Variants in DPP6 observed in about 807,000 individuals in gnomAD.
DPP6 encodes dipeptidyl peptidase like 6, also known as A-type potassium channel modulatory protein DPP6.
A neutral mutation model predicts 122.6 loss-of-function variants in DPP6; 69 were observed. The ratio of observed to expected loss-of-function variants is 0.56; its 90% CI spans 0.46 to 0.69. DPP6 has a LOEUF of 0.69. Among genes scored for constraint, DPP6 ranks in the 30% least tolerant of loss-of-function variants. The pLI is 0.00. For synonymous variants in DPP6, 418 were observed against 433.1 expected (o/e 0.97, Z 0.43); for missense variants, 928 against 1,116.9 (o/e 0.83, Z 2.41).
rs1802452250 is a variant in DPP6 at position 154,852,248 on chromosome 7, A to G, written c.1667-1532A>G. Reference sequence around the variant, plus strand: ...GATGACCGCAGGAATACTGAACTCCACCCATCCCCCTGCCCAAGATAGTGT... The same window carrying G: ...GATGACCGCAGGAATACTGAACTCCGCCCATCCCCCTGCCCAAGATAGTGT... On this transcript the variant is annotated intron_variant, in intron 16 of 25. Transcript: ENST00000377770. 3.3e-5 allele frequency among the ~76,000 whole-genome samples: 5 copies of G among 152,110 alleles called. 1 individual carries two copies. Among genetic ancestry groups the G allele is most frequent in the Admixed American group, 3.3e-4 (5 of 15,282 alleles).
At chr7:153,769,711 A>G in the DPP6 span, among the ~76,000 whole-genome samples, 1 of 152,194 alleles carries the variant, frequency 6.6e-6, no homozygotes, top group East Asian at 1.9e-4. Flanking sequence ...CAGGAGAAAA[A>G]AAGCCAGAAG....
chr7:154,337,094 G>A (rs998746960), intron 1 of DPP6, among the ~76,000 whole-genome samples: 1 of 152,186 alleles, frequency 6.6e-6, no homozygotes, highest in Non-Finnish European at 1.5e-5. Context: ...GGTATAGAAA[G>A]TTACATCACT....
At chr7:154,527,027 G>A (rs1389944886) in intron 3 of DPP6, among the ~76,000 whole-genome samples, 1 of 152,214 alleles carries the variant, frequency 6.6e-6, no homozygotes, top group Non-Finnish European at 1.5e-5. Context: ...AAAGACAGGT[G>A]CAACAGACCT....
intron 1 of DPP6, among the ~76,000 whole-genome samples, chr7:154,259,437 C>T (rs956350196): frequency 2.0e-5 from 3 of 152,156 alleles, no homozygotes; most frequent in Non-Finnish European, 4.4e-5. Flanking sequence ...GGAGGGGCCG[C>T]TGGGGCAGTC....
intron 1 of DPP6, among the ~76,000 whole-genome samples, chr7:153,933,694 CTCT>C (rs1295096061): frequency 6.6e-6 from 1 of 152,038 alleles, no homozygotes; most frequent in Non-Finnish European, 1.5e-5. Flanking sequence ...CTCTCTCTCT[CTCT>C]CTCTCTCTCA....
intron 1 of DPP6, among the ~76,000 whole-genome samples, chr7:154,243,752 C>T (rs1425170394): frequency 2.6e-5 from 4 of 151,854 alleles, no homozygotes; most frequent in Admixed American, 1.3e-4. Context: ...GCCGAGATCA[C>T]GCCACTGCAC....
intron 5 of DPP6, among the ~76,000 whole-genome samples, chr7:154,621,253 G>C (rs1834630003): frequency 6.6e-6 from 1 of 152,180 alleles, no homozygotes; most frequent in South Asian, 2.1e-4. Context: ...ATATGTTTAT[G>C]TCATGTATTA....
rs1325240883 is a variant in DPP6, at chr7:154,618,194, G to C, written c.628-19627G>C. Among the ~76,000 whole-genome samples the C allele has an allele frequency of 1.3e-5, 2 of 152,156 alleles. No homozygotes were observed. Among genetic ancestry groups the C allele is most frequent in the Non-Finnish European group, 1.5e-5 (1 of 68,022 alleles). On this transcript the variant is annotated intron_variant, in intron 5 of 25. Transcript: ENST00000377770. This position sits in a 1 kb window ranked among gnomAD's most constrained non-coding sequence, Gnocchi z 4.1. The stretch of plus-strand genomic sequence containing the variant: ...GAATTGTACCCTGTGAAAAAGCATA[G>C]CTGCTTTTCTCACAGAGTAAAGAGG...
chr7:154,812,325 T>G (rs183049139), intron 16 of DPP6, among the ~76,000 whole-genome samples: 1 of 152,218 alleles, frequency 6.6e-6, no homozygotes, highest in Non-Finnish European at 1.5e-5. Context: ...ATCCTGTAAC[T>G]TATATTCAGT....
the DPP6 span, among the ~76,000 whole-genome samples, chr7:153,778,185 A>T: frequency 2.0e-5 from 3 of 149,898 alleles, no homozygotes; most frequent in Admixed American, 6.6e-5. Flanking sequence ...TGCATTGTAG[A>T]TAATGAGAAC....
chr7:154,610,944 A>G (rs1833878079), intron 5 of DPP6, among the ~76,000 whole-genome samples: 1 of 152,168 alleles, frequency 6.6e-6, no homozygotes, highest in Non-Finnish European at 1.5e-5. Context: ...AGACATTGAC[A>G]CTGAATCATC....
chr7:153,917,958 A>G (rs1405576373), intron 1 of DPP6, among the ~76,000 whole-genome samples: 1 of 152,196 alleles, frequency 6.6e-6, no homozygotes, highest in Non-Finnish European at 1.5e-5. Context: ...TTTCCTTATA[A>G]TTGGTTTACT....
At chr7:154,721,560 G>A (rs938904583) in intron 7 of DPP6, among the ~76,000 whole-genome samples, 1 of 152,162 alleles carries the variant, frequency 6.6e-6, no homozygotes, top group Non-Finnish European at 1.5e-5. Flanking sequence ...AGAAGCGTAA[G>A]GGAAATGTTC....
At chr7:154,801,616 G>A (rs990492615) in intron 13 of DPP6, among the ~76,000 whole-genome samples, 154 bp downstream of exon 13, 1 of 152,180 alleles carries the variant, frequency 6.6e-6, no homozygotes, top group Admixed American at 6.5e-5. Flanking sequence ...GCGCTGGTGA[G>A]TGCAGAGGTT....
At position 154,282,130 on chromosome 7, in the gene DPP6, G is replaced by C. The variant is rs1804555351; in HGVS notation, c.244-164084G>C. Among the ~76,000 whole-genome samples, 1 of 152,132 alleles carries C rather than the reference G, an allele frequency of 6.6e-6. No homozygotes were observed. Among genetic ancestry groups the C allele is most frequent in the African/African-American group, 2.4e-5 (1 of 41,426 alleles). On this transcript the variant is annotated intron_variant, in intron 1 of 25. Coordinates refer to ENST00000377770, the MANE Select transcript of DPP6 (RefSeq NM_130797.4). This position sits in a 1 kb window ranked among gnomAD's most constrained non-coding sequence, Gnocchi z 4.8. ...TGTGTTGAGGGGTGGGGACAGGGCT[G>C]GCACAGTGCCTGGCATGTTCTAACC... is the stretch of plus-strand genomic sequence containing the variant.
chr7:154,550,514 A>G (rs1226961508), intron 4 of DPP6, among the ~76,000 whole-genome samples: 1 of 152,146 alleles, frequency 6.6e-6, no homozygotes, highest in Non-Finnish European at 1.5e-5. Context: ...TCTTGAAGAC[A>G]TTTCTACTTT....
At chr7:154,089,447 A>G (rs1401559826) in intron 1 of DPP6, among the ~76,000 whole-genome samples, 2 of 130,414 alleles carry the variant, frequency 1.5e-5, no homozygotes, top group Admixed American at 1.7e-4. Flanking sequence ...GGCTTTGCTC[A>G]ACTCACCACA....
chr7:154,512,704 A>T (rs147648949), intron 3 of DPP6, among the ~76,000 whole-genome samples: 234 of 152,282 alleles, frequency 1.5e-3, no homozygotes, highest in Middle Eastern at 6.8e-3. Flanking sequence ...GAAGGGAGTG[A>T]AATCATCATC....
In DPP6 at chr7:154,254,272, C is replaced by G. The variant is rs555798062; in HGVS notation, c.244-191942C>G. Among the ~76,000 whole-genome samples, 3 of 152,226 alleles carry G rather than the reference C, an allele frequency of 2.0e-5. No individual in the cohort carries two copies. In the South Asian group the frequency reaches 6.2e-4, roughly 32 times the overall value. ...AGGCCATAGCTTTGCCCTTATTTTG[C>G]TTGAAGTTGAAAATTTCTTTTATAT... On this transcript the variant is annotated intron_variant, in intron 1 of 25. Transcript: ENST00000377770.
Sources: allele counts gnomAD v4.1 joint callset (sites outside exome capture counted in the v4.1 genomes callset), GRCh38; gene constraint gnomAD v4.1.1; non-coding constraint Gnocchi (gnomAD v3.1); transcripts MANE v1.5; gene names NCBI Gene and HGNC (gene_info 2026-07-23, HGNC 2026-07-21).